The following NFIB variants were observed in gnomAD, a reference collection of about 807,000 sequenced individuals.
NFIB encodes nuclear factor 1 B-type.
In NFIB, 11 loss-of-function variants were observed where a neutral mutation model predicts 61.5. The observed-to-expected ratio is 0.18, with a 90% CI of 0.11 to 0.30. NFIB has a LOEUF of 0.30. Among genes scored for constraint, NFIB ranks in the 10% least tolerant of loss-of-function variants. The pLI, the probability that NFIB is intolerant of heterozygous loss-of-function variation, is 1.00. For missense variants in NFIB, 471 were observed against 608.9 expected, an observed-to-expected ratio of 0.77 and a Z score of 2.38; for synonymous variants, 260 against 216.5, an observed-to-expected ratio of 1.20 and a Z score of -1.76.
the NFIB span, among the ~76,000 whole-genome samples, chr9:14,517,831 T>A: frequency 6.6e-6 from 1 of 152,184 alleles, no homozygotes. Flanking sequence ...CTCTTGCCAC[T>A]GGACCTTTGC....
At chr9:14,456,450 T>C in the NFIB span, among the ~76,000 whole-genome samples, 2 of 152,146 alleles carry the variant, frequency 1.3e-5, no homozygotes, top group East Asian at 1.9e-4. Flanking sequence ...AGACATATAA[T>C]TAATTTCTCT....
At chr9:14,282,180 T>C (rs879470907) in intron 2 of NFIB, among the ~76,000 whole-genome samples, 19 of 152,188 alleles carry the variant, frequency 1.2e-4, no homozygotes, top group Admixed American at 1.2e-3. Flanking sequence ...AACCATTCCC[T>C]TACACTGATA....
intron 4 of NFIB, among the ~76,000 whole-genome samples, chr9:14,150,902 A>AT (rs2042797214): frequency 6.6e-6 from 1 of 152,116 alleles, no homozygotes; most frequent in African/African-American, 2.4e-5. Flanking sequence ...ATTATTATGC[A>AT]TTGTATGTCT....
chr9:14,390,652 G>C (rs1190613536), intron 1 of NFIB, among the ~76,000 whole-genome samples: 1 of 152,210 alleles, frequency 6.6e-6, no homozygotes, highest in East Asian at 1.9e-4. Context: ...AAGGTTATTA[G>C]GTTATGAAAG....
At chr9:14,500,428 G>A in the NFIB span, among the ~76,000 whole-genome samples, 5,141 of 152,184 alleles carry the variant, frequency 0.034, 137 homozygotes, top group Non-Finnish European at 0.055. Context: ...ACTAACGTTA[G>A]CCAACGTTAT....
At chr9:14,284,424 G>A (rs2058578356) in intron 2 of NFIB, among the ~76,000 whole-genome samples, 1 of 152,096 alleles carries the variant, frequency 6.6e-6, no homozygotes, top group Non-Finnish European at 1.5e-5. Flanking sequence ...CCAAAAAAAT[G>A]AATGTAATGT....
chr9:14,286,874 T>C (rs772178606), intron 2 of NFIB, among the ~76,000 whole-genome samples: 1 of 152,180 alleles, frequency 6.6e-6, no homozygotes, highest in Non-Finnish European at 1.5e-5. Flanking sequence ...TCAGTGTTCA[T>C]AATCTCCCTA....
intron 2 of NFIB, among the ~76,000 whole-genome samples, chr9:14,200,719 G>A (rs552013078): frequency 6.6e-6 from 1 of 152,170 alleles, no homozygotes; most frequent in Admixed American, 6.5e-5. Context: ...TCCCTTATAT[G>A]TTGGTGATCC....
chr9:14,145,131 G>C (rs1210267327), intron 6 of NFIB, among the ~76,000 whole-genome samples: 8 of 84,128 alleles, frequency 9.5e-5, no homozygotes, highest in African/African-American at 4.2e-4. Flanking sequence ...TCCGTCTGAG[G>C]GGGGGGTCTC....
At chr9:14,219,826 G>A (rs1325725893) in intron 2 of NFIB, among the ~76,000 whole-genome samples, 1 of 152,162 alleles carries the variant, frequency 6.6e-6, no homozygotes, top group Admixed American at 6.5e-5. Flanking sequence ...TGGAATTAAA[G>A]CTATGGTGAA....
At chr9:14,309,603 G>A (rs1381551133) in intron 1 of NFIB, among the ~76,000 whole-genome samples, 1 of 152,208 alleles carries the variant, frequency 6.6e-6, no homozygotes, top group Non-Finnish European at 1.5e-5. Context: ...TCTGTTCTTT[G>A]TGTGGGAAGG....
intron 1 of NFIB, among the ~76,000 whole-genome samples, chr9:14,328,149 C>T (rs1427366311): frequency 1.3e-5 from 2 of 152,162 alleles, no homozygotes; most frequent in Non-Finnish European, 2.9e-5. Flanking sequence ...TTGCTCCCCG[C>T]CTTTTTTTCT....
chr9:14,415,723 T>C, the NFIB span, among the ~76,000 whole-genome samples: 1 of 152,200 alleles, frequency 6.6e-6, no homozygotes, highest in African/African-American at 2.4e-5. Flanking sequence ...ACTCTCTCCA[T>C]ATGGACTGTG....
intron 2 of NFIB, among the ~76,000 whole-genome samples, chr9:14,182,036 A>C (rs2046837006): frequency 6.6e-6 from 1 of 152,230 alleles, no homozygotes; most frequent in Non-Finnish European, 1.5e-5. Context: ...TTCCATTCGT[A>C]AGAAACTATC....
intron 2 of NFIB, among the ~76,000 whole-genome samples, chr9:14,202,790 A>G (rs2049196070): frequency 6.6e-6 from 1 of 152,216 alleles, no homozygotes; most frequent in African/African-American, 2.4e-5. Flanking sequence ...CTTATGAAAA[A>G]AATCACCTTC....
chr9:14,393,900 T>G (rs773398358), intron 1 of NFIB, among the ~76,000 whole-genome samples: 1 of 152,244 alleles, frequency 6.6e-6, no homozygotes. Context: ...AGTTACAGTA[T>G]TTTTGGTAAA....
intron 2 of NFIB, among the ~76,000 whole-genome samples, chr9:14,226,297 C>G (rs2052406198): frequency 6.6e-6 from 1 of 152,118 alleles, no homozygotes; most frequent in East Asian, 1.9e-4. Flanking sequence ...CCTATAATCT[C>G]AGCACTTTGG....
chr9:14,439,752 G>C, the NFIB span, among the ~76,000 whole-genome samples: 6 of 152,158 alleles, frequency 3.9e-5, no homozygotes, highest in African/African-American at 7.2e-5. Context: ...CGGACAGGTG[G>C]TTCCAATTCC....
At position 14,082,030 on chromosome 9, in the gene NFIB, A is replaced by T. The variant is rs2032016812; in HGVS notation, c.*6279T>A. On this transcript the variant is annotated 3_prime_UTR_variant, in exon 11 of 11. Coordinates refer to ENST00000380953, the MANE Select transcript of NFIB (RefSeq NM_001190737.2). ...CTTGTGGCAATTGAGTTCATTTGCAACCCACAAAAAGTACCCAAAGAACGT... is the reference window on the plus strand; with the variant it reads ...CTTGTGGCAATTGAGTTCATTTGCATCCCACAAAAAGTACCCAAAGAACGT... The T allele has an allele frequency of 1.4e-5, 3 of 211,968 alleles. No homozygotes were observed. Among genetic ancestry groups the T allele is most frequent in the Admixed American group, 1.2e-4 (2 of 17,006 alleles). 13.1% of individuals were successfully genotyped at this position (211,968 alleles called of 1,614,324 possible). A position where few individuals can be genotyped will look rare whatever the true frequency, so the allele number is the denominator to read the frequency against.
Sources: allele counts gnomAD v4.1 joint callset (sites outside exome capture counted in the v4.1 genomes callset), GRCh38; gene constraint gnomAD v4.1.1; transcripts MANE v1.5; gene names NCBI Gene and HGNC (gene_info 2026-07-23, HGNC 2026-07-21).